Variants in CYP20A1 observed in about 807,000 individuals in gnomAD.
CYP20A1 encodes cytochrome P450 family 20 subfamily A member 1.
Under a neutral mutation model 61.4 loss-of-function variants are expected in CYP20A1, and 61 were observed. The ratio of observed to expected loss-of-function variants is 0.99; its 90% CI spans 0.81 to 1.23. CYP20A1 has a LOEUF of 1.23. CYP20A1 is among the 50% of genes most tolerant of loss of function. The pLI, the probability that CYP20A1 is intolerant of heterozygous loss-of-function variation, is 0.00. For missense variants in CYP20A1, 530 were observed against 542.4 expected (o/e 0.98, Z 0.23); for synonymous variants, 193 against 188.2 (o/e 1.03, Z -0.21).
chr2:203,244,079 A>G (rs1343500292), intron 1 of CYP20A1, among the ~76,000 whole-genome samples: 1 of 151,594 alleles, frequency 6.6e-6, no homozygotes, highest in Admixed American at 6.6e-5. Flanking sequence ...ATTCCACGTT[A>G]CCTCCTATTA....
Position 203,300,264 on chromosome 2 carries a change from CAA to C in CYP20A1, c.*3358_*3359del, listed in dbSNP as rs1360721715. ...GTTTTATCCATAGTTACATGACTAA[CAA>C]ATGATTAAAAAGAAGTTATTCTCTA... is the stretch of plus-strand genomic sequence containing the variant. On this transcript the variant is annotated 3_prime_UTR_variant, in exon 13 of 13. Coordinates refer to ENST00000356079, the MANE Select transcript of CYP20A1 (RefSeq NM_177538.3). Among the ~76,000 whole-genome samples the C allele has an allele frequency of 1.3e-5, 2 of 152,144 alleles. No homozygotes were observed. Among genetic ancestry groups the C allele is most frequent in the Non-Finnish European group, 2.9e-5 (2 of 68,012 alleles).
chr2:203,245,894 AAGTG>A lies in CYP20A1; in HGVS notation c.122+3_122+6del. ...TCCAGGGATTACTCCAACTGAAGAA[AAGTG>A]AGTAATTATTTTCTTGGAATTAAGT... On this transcript the variant is annotated splice_donor_variant and splice_donor_region_variant and coding_sequence_variant and intron_variant, in exon 2 of 13. Coordinates refer to ENST00000356079, the MANE Select transcript of CYP20A1 (RefSeq NM_177538.3). LOFTEE classifies it high-confidence loss of function. 2 of 1,588,264 alleles carry A rather than the reference AAGTG, an allele frequency of 1.3e-6. No homozygotes were observed. The highest frequency in any genetic ancestry group is 8.6e-7 in the Non-Finnish European group (1 of 1,160,310).
At chr2:203,287,143 C>T (rs2068306981) in intron 9 of CYP20A1, among the ~76,000 whole-genome samples, 2 of 139,914 alleles carry the variant, frequency 1.4e-5, no homozygotes, top group South Asian at 4.5e-4. Flanking sequence ...CACCTGAGCC[C>T]AGGAAGTCCA....
At chr2:203,258,649 C>T (rs2067012827) in intron 4 of CYP20A1, among the ~76,000 whole-genome samples, 2 of 152,180 alleles carry the variant, frequency 1.3e-5, no homozygotes, top group South Asian at 4.1e-4. Flanking sequence ...AGCCAGTATT[C>T]TCAGGGCTAT....
chr2:203,293,701 A>T (rs2068644904), intron 11 of CYP20A1, among the ~76,000 whole-genome samples: 1 of 151,632 alleles, frequency 6.6e-6, no homozygotes, highest in African/African-American at 2.4e-5. Flanking sequence ...TCTATCCCTC[A>T]TCGCCCCACC....
At chr2:203,286,073 C>T (rs2068255398) in intron 9 of CYP20A1, among the ~76,000 whole-genome samples, 1 of 152,108 alleles carries the variant, frequency 6.6e-6, no homozygotes, top group African/African-American at 2.4e-5. Flanking sequence ...TTTGGGAGGC[C>T]AAGGTAAGTG....
Position 203,289,866 on chromosome 2 carries a change from T to A in CYP20A1, c.1073T>A (p.Ile358Asn), listed in dbSNP as rs753085472. 1.9e-6 allele frequency: 3 copies of A among 1,548,492 alleles called. No individual in the cohort carries two copies. The Admixed American group carries it at 5.3e-5, about 27-fold the overall frequency. ...GAAGGAAAAATTGACCGATTTATTA[T>A]TCCTAGAGAGGTAGAAAACCTTTAA... Reference protein sequence around the residue: ...DIEGKIDRFIIPRETLVLYAL... With the variant: ...DIEGKIDRFINPRETLVLYAL... Residue 358 changes from isoleucine to asparagine, a missense_variant, in exon 10 of 13, where the codon ATT (isoleucine) becomes AAT (asparagine). Coordinates refer to ENST00000356079, the MANE Select transcript of CYP20A1 (RefSeq NM_177538.3).
At chr2:203,293,181 C>CA (rs1170660469) in intron 11 of CYP20A1, among the ~76,000 whole-genome samples, 9 of 138,562 alleles carry the variant, frequency 6.5e-5, no homozygotes, top group Non-Finnish European at 1.4e-4. Context: ...GACTCCGTCT[C>CA]AAAAAAAATT....
chr2:203,296,656 T>C lies in CYP20A1; in HGVS notation c.1238+93T>C, dbSNP rs528190347. 7.1e-6 allele frequency: 10 copies of C among 1,411,900 alleles called. No individual in the cohort carries two copies. The African/African-American group carries it at 1.5e-4, about 21-fold the overall frequency. The allele number at this position is 1,411,900 out of a possible 1,614,324, so 87.5% of individuals were successfully genotyped here. On this transcript the variant is annotated intron_variant, in intron 12 of 12. Transcript: ENST00000356079. ...CTGTATGATTAAAGTATTATTTTTT[T>C]ATTATTATTGTACTTTAAGTTCTGG...
chr2:203,284,411 G>A (rs1489152480), intron 8 of CYP20A1, among the ~76,000 whole-genome samples: 1 of 151,980 alleles, frequency 6.6e-6, no homozygotes, highest in African/African-American at 2.4e-5. Flanking sequence ...TAATCCCAGT[G>A]TATTACTAAA....
chr2:203,274,331 G>T (rs1015990935), intron 6 of CYP20A1, among the ~76,000 whole-genome samples: 1 of 151,786 alleles, frequency 6.6e-6, no homozygotes, highest in Non-Finnish European at 1.5e-5. Context: ...GATTACAAGC[G>T]CCTGCCACCA....
At chr2:203,260,834 A>T (rs1039696506) in intron 4 of CYP20A1, among the ~76,000 whole-genome samples, 8 of 152,182 alleles carry the variant, frequency 5.3e-5, no homozygotes. Context: ...GGTATCTGAG[A>T]TTAATGATAA....
intron 11 of CYP20A1, among the ~76,000 whole-genome samples, chr2:203,294,327 C>T (rs1445490358): frequency 2.0e-5 from 3 of 151,680 alleles, no homozygotes; most frequent in Admixed American, 6.6e-5. Context: ...CACCTGAGGT[C>T]GGGGGTTTGA....
In CYP20A1 at chr2:203,283,211, AT is replaced by A. The variant is rs371972851; in HGVS notation, c.851-2378del. Among the ~76,000 whole-genome samples the A allele has an allele frequency of 4.0e-4, 33 of 83,514 alleles. 1 individual carries two copies. The highest frequency in any genetic ancestry group is 1.3e-3 in the African/African-American group (27 of 21,214). The allele number at this position is 83,514 out of a possible 152,430, so 54.8% of individuals were successfully genotyped here. ...CCACAAACCAAAAGTCAATGTGAGA[AT>A]TTTTTTTTTTTTTTTTTTTTTTGAG... On this transcript the variant is annotated intron_variant, in intron 8 of 12. Transcript: ENST00000356079.
At chr2:203,288,411 G>A (rs555075754) in intron 9 of CYP20A1, among the ~76,000 whole-genome samples, 35 of 152,070 alleles carry the variant, frequency 2.3e-4, no homozygotes, top group African/African-American at 7.0e-4. Flanking sequence ...TAGAGTAGCT[G>A]CTCCTACCTT....
intron 4 of CYP20A1, among the ~76,000 whole-genome samples, chr2:203,258,170 T>A (rs184399057): frequency 1.5e-3 from 230 of 152,338 alleles, no homozygotes; most frequent in African/African-American, 5.3e-3. Flanking sequence ...CCCGAAGCAC[T>A]AGGATTACAG....
intron 2 of CYP20A1, 122 bp from the exon 3 acceptor site, chr2:203,246,633 T>G: frequency 4.1e-6 from 4 of 975,124 alleles, no homozygotes; most frequent in Non-Finnish European, 6.1e-6. Context: ...GATTTTGCAG[T>G]AATTTGAATT....
At chr2:203,267,158 G>A (rs1162141132) in intron 5 of CYP20A1, among the ~76,000 whole-genome samples, 1 of 151,874 alleles carries the variant, frequency 6.6e-6, no homozygotes, top group Non-Finnish European at 1.5e-5. Context: ...GTGAGACCCT[G>A]TCTCTAAAAA....
At chr2:203,275,982 G>T (rs982938365) in intron 6 of CYP20A1, among the ~76,000 whole-genome samples, 7 of 152,168 alleles carry the variant, frequency 4.6e-5, no homozygotes, top group African/African-American at 1.7e-4. Flanking sequence ...GATAGGGAGT[G>T]CCGGGGGTTG....
Sources: gnomAD v4.1 joint callset for allele counts (sites outside exome capture counted in the v4.1 genomes callset) on GRCh38, gnomAD v4.1.1 for gene constraint, MANE v1.5 for transcripts, NCBI Gene and HGNC (gene_info 2026-07-23, HGNC 2026-07-21) for gene names.